The following PDIA3 variants were observed in gnomAD, a reference collection of about 807,000 sequenced individuals.
The protein encoded by PDIA3 is protein disulfide isomerase family A member 3, also known as protein disulfide-isomerase A3.
In PDIA3, 16 loss-of-function variants were observed where a neutral mutation model predicts 56.9. The ratio of observed to expected loss-of-function variants is 0.28; its 90% confidence interval spans 0.19 to 0.43. The LOEUF (loss-of-function observed/expected upper bound fraction) is 0.43, where lower values mean the gene tolerates loss of function less well. PDIA3 is among the 20% of genes least tolerant of loss of function. PDIA3 has a pLI of 1.00. For missense variants in PDIA3, 485 were observed against 621.3 expected (o/e 0.78, Z 2.33); for synonymous variants, 192 against 216.5 (o/e 0.89, Z 0.99).
chr15:43,759,949 C>T (rs2086803671), intron 3 of PDIA3, among the ~76,000 whole-genome samples: 1 of 151,754 alleles, frequency 6.6e-6, no homozygotes, highest in Admixed American at 6.6e-5. Context: ...ATTAGCCGGG[C>T]GTGGTGGCAG....
intron 1 of PDIA3, among the ~76,000 whole-genome samples, chr15:43,750,914 C>T (rs945204800): frequency 3.8e-4 from 58 of 152,112 alleles, no homozygotes; most frequent in African/African-American, 1.0e-3. Context: ...GGGCAGATCA[C>T]GAGGTTCAGG....
At chr15:43,753,052 A>C in intron 1 of PDIA3, 1 of 347,962 alleles carries the variant, frequency 2.9e-6, no homozygotes, top group South Asian at 2.2e-5. Flanking sequence ...TACTTGAGAC[A>C]TTACAGGGTT....
rs771128343 is a variant in PDIA3, at chr15:43,771,646, A to G, written c.*428A>G. On this transcript the variant is annotated 3_prime_UTR_variant, in exon 13 of 13. Coordinates refer to ENST00000300289, the MANE Select transcript of PDIA3 (RefSeq NM_005313.5). ...AAATGCTCTGTAATCTACACTGTTC[A>G]GTACAGGTAGCTACGGAGCATCTGA... The G allele has an allele frequency of 5.0e-6, 2 of 402,058 alleles. No individual in the cohort carries two copies. Among genetic ancestry groups the G allele is most frequent in the Non-Finnish European group, 8.8e-6 (2 of 228,358 alleles). The allele number at this position is 402,058 out of a possible 1,614,324, so 24.9% of individuals were successfully genotyped here.
In PDIA3 at chr15:43,765,505, G is replaced by A; in HGVS notation, c.658G>A (p.Val220Met). The change falls in exon 6 of 13, where the codon GTG becomes ATG. Residue 220 changes from valine (V) to methionine (M), a missense_variant. By Grantham distance (21) the Val-to-Met change is conservative (BLOSUM62 1). Transcript: ENST00000300289. ...CACTAACAAGTTTGAGGACAAGACT[G>A]TGGCATATACAGAGCAAAAAATGAC... ...HLTNKFEDKT[V>M]AYTEQKMTSG... The A allele has an allele frequency of 6.2e-7, 1 of 1,612,920 alleles. No individual in the cohort carries two copies. The highest frequency in any genetic ancestry group is 8.5e-7 in the Non-Finnish European group (1 of 1,179,300).
At chr15:43,747,826 C>T (rs2086717027) in intron 1 of PDIA3, among the ~76,000 whole-genome samples, 1 of 152,002 alleles carries the variant, frequency 6.6e-6, no homozygotes, top group African/African-American at 2.4e-5. Context: ...AAGGGTTACA[C>T]GAAAAAAGTC....
chr15:43,760,301 G>A (rs2086806074), intron 3 of PDIA3, among the ~76,000 whole-genome samples: 1 of 151,410 alleles, frequency 6.6e-6, no homozygotes, highest in African/African-American at 2.4e-5. Flanking sequence ...TGAGGCGAGA[G>A]GTCTGATTGA....
Position 43,768,530 on chromosome 15 carries a change from T to C in PDIA3, c.1070T>C (p.Phe357Ser), listed in dbSNP as rs1279416780. The C allele has an allele frequency of 1.5e-5, 25 of 1,613,926 alleles. No homozygotes were observed. The highest frequency in any genetic ancestry group is 2.1e-5 in the Non-Finnish European group (25 of 1,179,920). Residue 357 changes from phenylalanine to serine, a missense_variant, in exon 9 of 13, where the codon TTT (phenylalanine) becomes TCT (serine). By Grantham distance (155) the Phe-to-Ser change is radical. Coordinates refer to ENST00000300289, the MANE Select transcript of PDIA3 (RefSeq NM_005313.5). ...KALERFLQDY[F>S]DGNLKRYLKS... ...CTGGAGAGGTTCCTGCAGGATTACT[T>C]TGATGGCAATCTGAAGAGATACCTG...
At chr15:43,766,470 T>C (rs2086848217) in intron 7 of PDIA3, among the ~76,000 whole-genome samples, 1 of 152,238 alleles carries the variant, frequency 6.6e-6, no homozygotes, top group Non-Finnish European at 1.5e-5. Context: ...ATAATAGATT[T>C]CAGTTATATA....
At chr15:43,751,966 CTCT>C (rs1191965778) in intron 1 of PDIA3, among the ~76,000 whole-genome samples, 2 of 152,186 alleles carry the variant, frequency 1.3e-5, no homozygotes, top group African/African-American at 2.4e-5. Context: ...TCTCATCTGT[CTCT>C]TCTTTATTCT....
chr15:43,760,914 T>A (rs2141651835), intron 3 of PDIA3, among the ~76,000 whole-genome samples: 1 of 152,008 alleles, frequency 6.6e-6, no homozygotes, highest in African/African-American at 2.4e-5. Context: ...ATTGCCTGTT[T>A]ATGCAGAAAA....
chr15:43,765,905 C>G lies in PDIA3; in HGVS notation c.738C>G (p.His246Gln), dbSNP rs747306074. ...ATTTCAGTTTTGGTATCTGCCCTCA[C>G]ATGACAGAAGACAATAAAGATTTGA... ...IQENIFGICP[H>Q]MTEDNKDLIQ... The change falls in exon 7 of 13, where the codon CAC becomes CAG. Residue 246 changes from histidine (H) to glutamine (Q), a missense_variant. Transcript: ENST00000300289. 4.3e-6 allele frequency: 7 copies of G among 1,611,782 alleles called. No individual in the cohort carries two copies. The highest frequency in any genetic ancestry group is 5.1e-6 in the Non-Finnish European group (6 of 1,179,272).
intron 4 of PDIA3, 52 bp from the exon 5 acceptor site, chr15:43,763,025 C>T (rs544875681): frequency 1.3e-6 from 2 of 1,570,566 alleles, no homozygotes; most frequent in African/African-American, 2.7e-5. Flanking sequence ...TTTGGAATGT[C>T]CATCTGTCAG....
intron 1 of PDIA3, among the ~76,000 whole-genome samples, chr15:43,747,928 G>C (rs143943987): frequency 0.018 from 2,689 of 152,212 alleles, 85 homozygotes; most frequent in African/African-American, 0.062. Context: ...GGGCATTTCT[G>C]GGGCTAACTG....
chr15:43,754,713 A>AG (rs928738424), intron 2 of PDIA3, among the ~76,000 whole-genome samples: 2 of 94,938 alleles, frequency 2.1e-5, no homozygotes, highest in Non-Finnish European at 3.8e-5. Flanking sequence ...CCTGTCTCTT[A>AG]AAAAAAAAAA....
intron 5 of PDIA3, 69 bp from the exon 6 acceptor site, chr15:43,765,380 CA>C (rs34708362): frequency 0.074 from 44,916 of 605,420 alleles, no homozygotes; most frequent in South Asian, 0.1. Flanking sequence ...AACCCTATCT[CA>C]AAAAAAAAAA....
In PDIA3 at chr15:43,767,588, A is replaced by G. The variant is rs551517858; in HGVS notation, c.1028+678A>G. On this transcript the variant is annotated intron_variant, in intron 8 of 12. Transcript: ENST00000300289. The stretch of plus-strand genomic sequence containing the variant: ...AGTTAAAGACCAGCCTGGCCCACAT[A>G]GTGAAACCCCGTCTCTACTAAAAAT... Among the ~76,000 whole-genome samples the G allele has an allele frequency of 5.3e-5, 8 of 150,302 alleles. No individual in the cohort carries two copies. The South Asian group carries it at 1.5e-3, about 28-fold the overall frequency.
intron 1 of PDIA3, among the ~76,000 whole-genome samples, chr15:43,750,170 A>C: frequency 7.8e-6 from 1 of 128,452 alleles, no homozygotes; most frequent in Non-Finnish European, 1.6e-5. Flanking sequence ...CTGTCTGGCT[A>C]ATTTTTTTTT....
At chr15:43,769,410 T>C (rs2086867895) in intron 9 of PDIA3, 108 bp from the exon 10 acceptor site, 2 of 1,051,228 alleles carry the variant, frequency 1.9e-6, no homozygotes, top group South Asian at 3.0e-5. Context: ...CCATGACTTA[T>C]TTTCTGTGGT....
chr15:43,753,650 G>A (rs544833758), intron 1 of PDIA3, among the ~76,000 whole-genome samples, 174 bp from the exon 2 acceptor site: 1 of 152,194 alleles, frequency 6.6e-6, no homozygotes, highest in Non-Finnish European at 1.5e-5. Context: ...TTTACCTCTT[G>A]AGAGTTCTGG....
Sources: allele counts gnomAD v4.1 joint callset (sites outside exome capture counted in the v4.1 genomes callset), GRCh38; gene constraint gnomAD v4.1.1; transcripts MANE v1.5; gene names NCBI Gene and HGNC (gene_info 2026-07-23, HGNC 2026-07-21).